SEMA6A: variants seen among roughly 807,000 people sequenced by gnomAD.
SEMA6A encodes semaphorin 6A.
In SEMA6A, 25 loss-of-function variants were observed where a neutral mutation model predicts 96.8. That is an observed-to-expected ratio of 0.26 (90% CI 0.19 to 0.36). SEMA6A has a LOEUF of 0.36. Ranked by LOEUF, SEMA6A falls within the 10% of genes least tolerant of loss-of-function variation. The probability of loss-of-function intolerance (pLI) is 1.00; values close to 1 mark genes in which losing one functional copy is unlikely to be tolerated. For missense variants in SEMA6A, 1,363 were observed against 1,323.1 expected (o/e 1.03, Z -0.47); for synonymous variants, 612 against 518.0 (o/e 1.18, Z -2.46).
intron 1 of SEMA6A, among the ~76,000 whole-genome samples, chr5:116,517,070 A>G (rs1758704774): frequency 6.6e-6 from 1 of 152,246 alleles, no homozygotes; most frequent in Non-Finnish European, 1.5e-5. Context: ...ATCTGCAATT[A>G]CAAACAAAAC....
rs890377291 is a variant in SEMA6A at position 116,447,583 on chromosome 5, A to C, written c.2123T>G (p.Leu708Arg). The stretch of plus-strand genomic sequence containing the variant: ...GTCTTTGGATTGAGTGTCCCCAAAG[A>C]GGCCGCTGAGCTTGGTGACGCTGCT... ...SMSSVTKLSG[L>R]FGDTQSKDPK... Residue 708 changes from leucine to arginine, a missense_variant, in exon 19 of 19, where the codon CTC becomes CGC. This residue lies in a region of SEMA6A where 883 missense variants were observed against 763.6 expected (regional missense o/e 1.16). Coordinates refer to ENST00000343348, the MANE Select transcript of SEMA6A (RefSeq NM_020796.5). The C allele has an allele frequency of 2.5e-6, 4 of 1,614,024 alleles. No homozygotes were observed. The highest frequency in any genetic ancestry group is 3.4e-6 in the Non-Finnish European group (4 of 1,179,882).
intron 18 of SEMA6A, among the ~76,000 whole-genome samples, chr5:116,454,525 G>A (rs943158255): frequency 2.6e-5 from 4 of 152,046 alleles, no homozygotes; most frequent in Non-Finnish European, 5.9e-5. Flanking sequence ...CACAGGGCCC[G>A]CTGTAATCCC....
chr5:116,570,347 G>A (rs959432820), intron 1 of SEMA6A, among the ~76,000 whole-genome samples: 1 of 152,094 alleles, frequency 6.6e-6, no homozygotes, highest in African/African-American at 2.4e-5. Context: ...AAGAGAGTGG[G>A]GGGGGTTCCT....
chr5:116,572,905 C>T (rs761867790), intron 1 of SEMA6A, among the ~76,000 whole-genome samples: 3 of 152,208 alleles, frequency 2.0e-5, no homozygotes, highest in Non-Finnish European at 4.4e-5. Context: ...TCTAGTGACC[C>T]CGCCGCTGTA....
intron 7 of SEMA6A, among the ~76,000 whole-genome samples, chr5:116,489,742 T>TA (rs1339502165): frequency 1.3e-5 from 2 of 152,174 alleles, no homozygotes; most frequent in Admixed American, 6.5e-5. Context: ...TTGGGGGAGA[T>TA]ACGATTGAGG....
chr5:116,563,028 C>A, intron 1 of SEMA6A: 1 of 482,886 alleles, frequency 2.1e-6, no homozygotes, highest in Non-Finnish European at 4.0e-6. Context: ...GACAAGACTC[C>A]TCAAAATATT....
chr5:116,553,442 G>A (rs1266540205), intron 1 of SEMA6A, among the ~76,000 whole-genome samples: 1 of 152,194 alleles, frequency 6.6e-6, no homozygotes, highest in Non-Finnish European at 1.5e-5. Flanking sequence ...GCAAAAGGGG[G>A]AGAGCAGAGC....
intron 1 of SEMA6A, among the ~76,000 whole-genome samples, chr5:116,545,734 A>G (rs771138567): frequency 6.6e-6 from 1 of 152,212 alleles, no homozygotes; most frequent in Non-Finnish European, 1.5e-5. Flanking sequence ...CATTTCTAAT[A>G]CCACCTAGTG....
chr5:116,481,994 C>G (rs1050757150), intron 11 of SEMA6A, among the ~76,000 whole-genome samples: 6 of 152,150 alleles, frequency 3.9e-5, no homozygotes, highest in Non-Finnish European at 5.9e-5. Context: ...AGACTGAGCT[C>G]TGATCCAGCT....
intron 18 of SEMA6A, among the ~76,000 whole-genome samples, chr5:116,464,736 A>G (rs1005928576): frequency 7.2e-5 from 11 of 152,222 alleles, no homozygotes; most frequent in African/African-American, 2.7e-4. Context: ...AATCAAGACG[A>G]AAGACATAGC....
Position 116,447,795 on chromosome 5 carries a change from A to G in SEMA6A, c.1911T>C (p.Ser637=). The G allele has an allele frequency of 6.3e-7, 1 of 1,598,766 alleles. No individual in the cohort carries two copies. The highest frequency in any genetic ancestry group is 8.6e-7 in the Non-Finnish European group (1 of 1,169,184). Residue 637 remains serine (S), a synonymous_variant, in exon 19 of 19, where the codon AGT becomes AGC. Transcript: ENST00000343348. ...HQDKKGVIRE[S]YLKGHDQLVP... Reference sequence around the variant, plus strand: ...CCAGCTGGTCGTGGCCTTTGAGGTAACTTTCCCGAATCACTCCTGCAATAG... The same window carrying G: ...CCAGCTGGTCGTGGCCTTTGAGGTAGCTTTCCCGAATCACTCCTGCAATAG...
At chr5:116,508,064 T>A (rs1307916456) in intron 1 of SEMA6A, 2 of 152,140 alleles carry the variant, frequency 1.3e-5, no homozygotes, top group Admixed American at 1.3e-4. Context: ...CCAAATTGGA[T>A]CACAGAACTG....
At chr5:116,500,780 G>A (rs1757839602) in intron 3 of SEMA6A, among the ~76,000 whole-genome samples, 1 of 152,104 alleles carries the variant, frequency 6.6e-6, no homozygotes, top group African/African-American at 2.4e-5. Context: ...CGAGGCGGGT[G>A]GACCACTTGA....
chr5:116,467,769 T>A, intron 17 of SEMA6A, 22 bp from the exon 18 acceptor site: 1 of 1,612,398 alleles, frequency 6.2e-7, no homozygotes, highest in Non-Finnish European at 8.5e-7. Flanking sequence ...ACAAATACAG[T>A]TAGGAAAACA....
chr5:116,558,915 C>T (rs985952188), intron 1 of SEMA6A, among the ~76,000 whole-genome samples: 1 of 152,110 alleles, frequency 6.6e-6, no homozygotes, highest in Non-Finnish European at 1.5e-5. Context: ...AGAGGGAGAA[C>T]ACATGTATAT....
intron 18 of SEMA6A, among the ~76,000 whole-genome samples, chr5:116,465,805 T>C (rs1416376834): frequency 1.3e-5 from 2 of 152,144 alleles, no homozygotes; most frequent in African/African-American, 2.4e-5. Context: ...TAATGCTTTA[T>C]TGGAAAGGCT....
At chr5:116,542,131 G>C (rs1218665898) in intron 1 of SEMA6A, among the ~76,000 whole-genome samples, 4 of 152,058 alleles carry the variant, frequency 2.6e-5, no homozygotes, top group Non-Finnish European at 5.9e-5. Context: ...ACAGAAATTG[G>C]TGTAGAATTT....
At chr5:116,490,734 T>C (rs567043636) in intron 7 of SEMA6A, among the ~76,000 whole-genome samples, 15 of 152,292 alleles carry the variant, frequency 9.8e-5, no homozygotes, top group African/African-American at 3.6e-4. Context: ...CTAATCTTGT[T>C]TCATAATCAA....
At position 116,446,850 on chromosome 5, in the gene SEMA6A, G is replaced by A. The variant is rs1164620371; in HGVS notation, c.2856C>T (p.Ser952=). 2 of 1,614,028 alleles carry A rather than the reference G, an allele frequency of 1.2e-6. No individual in the cohort carries two copies. The highest frequency in any genetic ancestry group is 1.1e-5 in the South Asian group (1 of 91,084). ...GCGGCGGGTTGTCTCCCCTGCCAAA[G>A]CTCTGGTTTCTGGAGAGGTGAGAGG... ...SNSSHLSRNQ[S]FGRGDNPPPA... The change falls in exon 19 of 19, where the codon AGC becomes AGT. Residue 952 remains serine, a synonymous_variant. Coordinates refer to ENST00000343348, the MANE Select transcript of SEMA6A (RefSeq NM_020796.5).
Sources: gnomAD v4.1 joint callset for allele counts (sites outside exome capture counted in the v4.1 genomes callset) on GRCh38, gnomAD v4.1.1 for gene constraint, gnomAD v4.1.1 regional missense constraint, MANE v1.5 for transcripts, NCBI Gene and HGNC (gene_info 2026-07-23, HGNC 2026-07-21) for gene names.